FBXL16: variants seen among roughly 807,000 people sequenced by gnomAD.
FBXL16 encodes the protein F-box/LRR-repeat protein 16.
In FBXL16, 7 loss-of-function variants were observed where a neutral mutation model predicts 36.7. That is an observed-to-expected ratio of 0.19 (90% CI 0.11 to 0.36). The LOEUF (loss-of-function observed/expected upper bound fraction) is 0.36. FBXL16 is among the 10% of genes least tolerant of loss of function. The pLI is 1.00. For synonymous variants in FBXL16, 355 were observed against 308.7 expected, an observed-to-expected ratio of 1.15 and a Z score of -1.57; for missense variants, 463 against 659.4, an observed-to-expected ratio of 0.70 and a Z score of 3.26.
intron 1 of FBXL16, among the ~76,000 whole-genome samples, chr16:700,764 C>T (rs941305814): frequency 3.3e-5 from 5 of 152,064 alleles, no homozygotes; most frequent in African/African-American, 1.2e-4. Flanking sequence ...GCAGACCCCG[C>T]CGGCCGGCGC....
Position 694,012 on chromosome 16 carries a change from A to C in FBXL16, c.*263T>G. On this transcript the variant is annotated 3_prime_UTR_variant, in exon 6 of 6. Transcript: ENST00000397621. Reference sequence around the variant, plus strand: ...GCGGAGGGCGGCGTGCAGTGCGGGCACGAGGGGCATGCACAAAGTCCCCGA... The same window carrying C: ...GCGGAGGGCGGCGTGCAGTGCGGGCCCGAGGGGCATGCACAAAGTCCCCGA... 2 of 180,726 alleles carry C rather than the reference A, an allele frequency of 1.1e-5. No individual in the cohort carries two copies. 11.2% of individuals were successfully genotyped at this position (180,726 alleles called of 1,614,324 possible).
In FBXL16 at chr16:697,793, G is replaced by A. The variant is rs776236067; in HGVS notation, c.-14-374C>T. Among the ~76,000 whole-genome samples, 2 of 152,118 alleles carry A rather than the reference G, an allele frequency of 1.3e-5. No homozygotes were observed. Among genetic ancestry groups the A allele is most frequent in the East Asian group, 1.9e-4 (1 of 5,174 alleles). ...AGGCGGGTGGATCATGAGGTCAGGA[G>A]ATCGAGACCATCCTGGCTAACACAG... On this transcript the variant is annotated intron_variant, in intron 1 of 5. Coordinates refer to ENST00000397621, the MANE Select transcript of FBXL16 (RefSeq NM_153350.4). This position sits in a 1 kb window ranked among gnomAD's most constrained non-coding sequence, Gnocchi z 4.6.
chr16:695,203 C>T (rs1436521070), intron 3 of FBXL16, 127 bp from the exon 4 acceptor site: 1 of 1,185,256 alleles, frequency 8.4e-7, no homozygotes, highest in East Asian at 2.9e-5. Flanking sequence ...GGCCCCTCCT[C>T]GCTCCCACCC....
intron 1 of FBXL16, among the ~76,000 whole-genome samples, chr16:699,418 G>A (rs1043374065): frequency 6.6e-6 from 1 of 152,200 alleles, no homozygotes; most frequent in Non-Finnish European, 1.5e-5. Flanking sequence ...CGACATCCGG[G>A]GAGGAGGTAG....
chr16:696,203 G>C (rs536170401), intron 2 of FBXL16, among the ~76,000 whole-genome samples: 44 of 151,776 alleles, frequency 2.9e-4, no homozygotes, highest in African/African-American at 9.9e-4. Flanking sequence ...GCTCCCCCTC[G>C]CATCCTCCCC....
At position 693,917 on chromosome 16, in the gene FBXL16, C is replaced by G. The variant is rs552533161; in HGVS notation, c.*358G>C. 11 of 160,870 alleles carry G rather than the reference C, an allele frequency of 6.8e-5. No individual in the cohort carries two copies. The highest frequency in any genetic ancestry group is 2.6e-4 in the Admixed American group (4 of 15,386). The allele number at this position is 160,870 out of a possible 1,614,324, so 10.0% of individuals were successfully genotyped here. On this transcript the variant is annotated 3_prime_UTR_variant, in exon 6 of 6. Coordinates refer to ENST00000397621, the MANE Select transcript of FBXL16 (RefSeq NM_153350.4). ...ACAGTCTGGAGAGCTCAAAGCCCCC[C>G]CAAGGACCGAGCCCCGCCCCCCAAG...
At chr16:702,705 G>T (rs1159094149) in intron 1 of FBXL16, among the ~76,000 whole-genome samples, 1 of 152,216 alleles carries the variant, frequency 6.6e-6, no homozygotes, top group Non-Finnish European at 1.5e-5. Context: ...TGTCCGCGGG[G>T]AGAGTGGCCT....
intron 1 of FBXL16, among the ~76,000 whole-genome samples, chr16:699,023 G>A (rs2040037418): frequency 6.6e-6 from 1 of 152,128 alleles, no homozygotes; most frequent in South Asian, 2.1e-4. Flanking sequence ...GTGTGCTGTG[G>A]TGCCAGCATG....
chr16:700,607 GGGATATCGCAGGATGCCGGCGCCCGA>G (rs2040048558), intron 1 of FBXL16, among the ~76,000 whole-genome samples: 1 of 152,144 alleles, frequency 6.6e-6, no homozygotes, highest in Non-Finnish European at 1.5e-5. Context: ...CCGGGGAGAG[GGGATATCGCAGGATGCCGGCGCCCGA>G]GGCGGCAGCA....
At chr16:704,505 T>C (rs2040077523) in intron 1 of FBXL16, among the ~76,000 whole-genome samples, 1 of 152,204 alleles carries the variant, frequency 6.6e-6, no homozygotes, top group Admixed American at 6.5e-5. Context: ...TGTGTCCACC[T>C]CTGGCCAGAC....
chr16:700,315 C>T (rs1300471976), intron 1 of FBXL16, among the ~76,000 whole-genome samples: 1 of 152,190 alleles, frequency 6.6e-6, no homozygotes, highest in Admixed American at 6.5e-5. Context: ...GAGTATCATT[C>T]GGGTCCTGGA....
At chr16:700,707 C>G (rs550131251) in intron 1 of FBXL16, among the ~76,000 whole-genome samples, 6 of 152,252 alleles carry the variant, frequency 3.9e-5, no homozygotes, top group Non-Finnish European at 7.4e-5. Flanking sequence ...CCCTCGCTCC[C>G]CAGACCCGGA....
intron 1 of FBXL16, among the ~76,000 whole-genome samples, chr16:701,469 C>A (rs550297092): frequency 6.6e-6 from 1 of 152,348 alleles, no homozygotes; most frequent in South Asian, 2.1e-4. Flanking sequence ...AAAATGCAAA[C>A]AGCCACACAC....
intron 1 of FBXL16, among the ~76,000 whole-genome samples, 158 bp downstream of exon 1, chr16:705,354 G>T (rs1394164545): frequency 4.6e-5 from 7 of 152,006 alleles, no homozygotes; most frequent in African/African-American, 1.7e-4. Context: ...CCCAGCGGCC[G>T]CGGGGGAGGT....
At chr16:698,098 G>C (rs2040028553) in intron 1 of FBXL16, among the ~76,000 whole-genome samples, 1 of 152,086 alleles carries the variant, frequency 6.6e-6, no homozygotes, top group Non-Finnish European at 1.5e-5. Context: ...CTGCCTCGTA[G>C]GTTCAAGTGA....
At position 699,538 on chromosome 16, in the gene FBXL16, G is replaced by A. The variant is rs528398761; in HGVS notation, c.-14-2119C>T. Among the ~76,000 whole-genome samples the A allele has an allele frequency of 2.6e-5, 4 of 152,332 alleles. No homozygotes were observed. In the South Asian group the frequency reaches 8.3e-4, roughly 32 times the overall value. ...CTCAATTTCCTCACCTTGAAGCCTG[G>A]GGAGGTGACGGTACCTGCTCCCTTG... On this transcript the variant is annotated intron_variant, in intron 1 of 5. Transcript: ENST00000397621.
At chr16:701,283 A>G (rs1159457347) in intron 1 of FBXL16, among the ~76,000 whole-genome samples, 1 of 152,102 alleles carries the variant, frequency 6.6e-6, no homozygotes, top group Non-Finnish European at 1.5e-5. Context: ...GCGCTGCCAG[A>G]AGGCGCTGCT....
chr16:702,173 C>T (rs544955080), intron 1 of FBXL16, among the ~76,000 whole-genome samples: 1 of 152,260 alleles, frequency 6.6e-6, no homozygotes, highest in East Asian at 1.9e-4. Flanking sequence ...TCACTGAGCC[C>T]GGAGACCTCA....
chr16:694,599 C>A (rs751083095), intron 5 of FBXL16, 35 bp downstream of exon 5: 1 of 1,591,690 alleles, frequency 6.3e-7, no homozygotes, highest in Non-Finnish European at 8.6e-7. Flanking sequence ...GGTGGGTGGT[C>A]ACTGCCAGCG....
Sources: gnomAD v4.1 joint callset for allele counts (sites outside exome capture counted in the v4.1 genomes callset) on GRCh38, gnomAD v4.1.1 for gene constraint, Gnocchi (gnomAD v3.1) non-coding constraint, MANE v1.5 for transcripts, NCBI Gene and HGNC (gene_info 2026-07-23, HGNC 2026-07-21) for gene names.